The following GTF2E1 variants were observed in gnomAD, a reference collection of about 807,000 sequenced individuals.
The protein encoded by GTF2E1 is TFIIE alpha subunit.
A neutral mutation model predicts 34.9 loss-of-function variants in GTF2E1; 14 were observed. The ratio of observed to expected loss-of-function variants is 0.40; its 90% confidence interval spans 0.27 to 0.63. The LOEUF (loss-of-function observed/expected upper bound fraction) is 0.63. Ranked by LOEUF, GTF2E1 falls within the 20% of genes least tolerant of loss-of-function variation. The pLI is 0.39. For synonymous variants in GTF2E1, 188 were observed against 192.9 expected (o/e 0.97, Z 0.21); for missense variants, 469 against 557.7 (o/e 0.84, Z 1.60).
chr3:120,759,385 G>C (rs1183182608), intron 2 of GTF2E1, among the ~76,000 whole-genome samples: 1 of 152,102 alleles, frequency 6.6e-6, no homozygotes, highest in African/African-American at 2.4e-5. Flanking sequence ...CCATTCTGTA[G>C]GTTGCCTGTT....
At chr3:120,750,299 A>G (rs1487778524) in intron 1 of GTF2E1, among the ~76,000 whole-genome samples, 1 of 152,212 alleles carries the variant, frequency 6.6e-6, no homozygotes, top group Non-Finnish European at 1.5e-5. Context: ...CTTTTTAATC[A>G]AACACACTAT....
Position 120,782,593 on chromosome 3 carries a change from T to G in GTF2E1, c.*1123T>G, listed in dbSNP as rs1187217447. The G allele has an allele frequency of 6.6e-6, 1 of 152,258 alleles. No homozygotes were observed. The highest frequency in any genetic ancestry group is 1.5e-5 in the Non-Finnish European group (1 of 68,046). The allele number at this position is 152,258 out of a possible 1,614,324, so 9.4% of individuals were successfully genotyped here. A position where few individuals can be genotyped will look rare whatever the true frequency, so the allele number is the denominator to read the frequency against. ...GAAATCCTTTATGTAAAGCTGAGAC[T>G]GGTCCTGGTTTTGTTCCCTTTGGGT... On this transcript the variant is annotated 3_prime_UTR_variant, in exon 5 of 5. Transcript: ENST00000283875.
chr3:120,755,644 A>G (rs1709201679), intron 2 of GTF2E1, among the ~76,000 whole-genome samples: 1 of 152,044 alleles, frequency 6.6e-6, no homozygotes, highest in African/African-American at 2.4e-5. Flanking sequence ...CAATTATACT[A>G]TTTTAGTTAT....
chr3:120,754,788 A>AT (rs898598900), intron 2 of GTF2E1, among the ~76,000 whole-genome samples: 9 of 151,704 alleles, frequency 5.9e-5, no homozygotes, highest in Non-Finnish European at 1.3e-4. Flanking sequence ...AGATAATTTA[A>AT]TTTTTTTTTA....
chr3:120,781,076 AG>A lies in GTF2E1; in HGVS notation c.928del (p.Glu310LysfsTer37), dbSNP rs1223517986. On this transcript the variant is annotated frameshift_variant, in exon 5 of 5. Coordinates refer to ENST00000283875, the MANE Select transcript of GTF2E1 (RefSeq NM_005513.3). LOFTEE classifies it high-confidence loss of function. ...GATATGGACGCATTTCAGGAGCGTG[AG>A]GAAGGCCATGCTGGGCCTGATGACA... The part of the protein sequence containing the change: ...GIDMDAFQER[E>X]EGHAGPDDNE... The A allele has an allele frequency of 1.9e-6, 3 of 1,613,726 alleles. No homozygotes were observed. The African/African-American group carries it at 4.0e-5, about 22-fold the overall frequency.
At chr3:120,767,528 C>T (rs1441243817) in intron 2 of GTF2E1, among the ~76,000 whole-genome samples, 2 of 152,114 alleles carry the variant, frequency 1.3e-5, no homozygotes, top group African/African-American at 2.4e-5. Flanking sequence ...GTTACCTGGC[C>T]CTTCTATCGC....
rs1201041410 is a variant in GTF2E1, at chr3:120,781,717, T to TTC, written c.*248_*249insCT. The stretch of plus-strand genomic sequence containing the variant: ...AATATTTTACTGTATTTTCTTTTCT[T>TTC]TTTTTTTTTTTTTTGGAGATGAAGT... On this transcript the variant is annotated 3_prime_UTR_variant, in exon 5 of 5. Coordinates refer to ENST00000283875, the MANE Select transcript of GTF2E1 (RefSeq NM_005513.3). 5.7e-5 allele frequency: 12 copies of TTC among 208,974 alleles called. No homozygotes were observed. Among genetic ancestry groups the TTC allele is most frequent in the African/African-American group, 2.6e-4 (11 of 41,872 alleles). 12.9% of individuals were successfully genotyped at this position (208,974 alleles called of 1,614,324 possible).
intron 1 of GTF2E1, among the ~76,000 whole-genome samples, chr3:120,744,653 T>TC (rs1447478917): frequency 1.3e-5 from 2 of 152,190 alleles, no homozygotes; most frequent in Admixed American, 6.5e-5. Flanking sequence ...GATTTTTTTT[T>TC]CTGTAATAAC....
chr3:120,781,715 C>CTTTT lies in GTF2E1; in HGVS notation c.*258_*261dup. On this transcript the variant is annotated 3_prime_UTR_variant, in exon 5 of 5. Coordinates refer to ENST00000283875, the MANE Select transcript of GTF2E1 (RefSeq NM_005513.3). ...TTAATATTTTACTGTATTTTCTTTTCTTTTTTTTTTTTTTTTGGAGATGAA... is the reference window on the plus strand; with the variant it reads ...TTAATATTTTACTGTATTTTCTTTTCTTTTTTTTTTTTTTTTTTTTGGAGATGAA... 5.3e-5 allele frequency: 12 copies of CTTTT among 224,596 alleles called. No individual in the cohort carries two copies. The highest frequency in any genetic ancestry group is 2.1e-4 in the South Asian group (3 of 14,032). The allele number at this position is 224,596 out of a possible 1,614,324, so 13.9% of individuals were successfully genotyped here. A position where few individuals can be genotyped will look rare whatever the true frequency, so the allele number is the denominator to read the frequency against.
At chr3:120,747,418 C>A (rs895310218) in intron 1 of GTF2E1, among the ~76,000 whole-genome samples, 2 of 152,064 alleles carry the variant, frequency 1.3e-5, no homozygotes, top group African/African-American at 4.8e-5. Flanking sequence ...CCACAATAGG[C>A]CCCAGTGTGT....
intron 2 of GTF2E1, among the ~76,000 whole-genome samples, chr3:120,751,744 T>A (rs1254865246): frequency 6.6e-6 from 1 of 152,182 alleles, no homozygotes; most frequent in East Asian, 1.9e-4. Context: ...AAGAGACTAG[T>A]TTTGCTAAAT....
intron 2 of GTF2E1, among the ~76,000 whole-genome samples, chr3:120,756,370 C>T (rs963067749): frequency 6.6e-6 from 1 of 151,254 alleles, no homozygotes; most frequent in African/African-American, 2.4e-5. Context: ...GATTGTTTTG[C>T]TCAGTTGCTG....
chr3:120,780,176 T>A (rs1709434732), intron 4 of GTF2E1, among the ~76,000 whole-genome samples: 1 of 152,202 alleles, frequency 6.6e-6, no homozygotes, highest in Non-Finnish European at 1.5e-5. Flanking sequence ...AGGTACTATT[T>A]AGGTAAATGG....
intron 1 of GTF2E1, among the ~76,000 whole-genome samples, chr3:120,748,035 G>C (rs1709123511): frequency 6.6e-6 from 1 of 151,476 alleles, no homozygotes; most frequent in African/African-American, 2.4e-5. Flanking sequence ...TTTTTTGGCT[G>C]CATAAATGTC....
chr3:120,745,236 C>T (rs1438549038), intron 1 of GTF2E1, among the ~76,000 whole-genome samples: 3 of 152,164 alleles, frequency 2.0e-5, no homozygotes, highest in Non-Finnish European at 4.4e-5. Context: ...TATGAAGAAA[C>T]TGAGTCTGAG....
chr3:120,757,413 C>CT (rs1406749927), intron 2 of GTF2E1, among the ~76,000 whole-genome samples: 5 of 151,278 alleles, frequency 3.3e-5, no homozygotes, highest in South Asian at 4.2e-4. Context: ...ATTAAATCTG[C>CT]TTTTTTTTTC....
chr3:120,748,093 G>A (rs1709124112), intron 1 of GTF2E1, among the ~76,000 whole-genome samples: 1 of 151,934 alleles, frequency 6.6e-6, no homozygotes, highest in Non-Finnish European at 1.5e-5. Flanking sequence ...TTTTTGATGG[G>A]GTTGTTTGTT....
At chr3:120,777,119 A>T (rs1363108104) in intron 4 of GTF2E1, among the ~76,000 whole-genome samples, 2 of 152,204 alleles carry the variant, frequency 1.3e-5, no homozygotes, top group Admixed American at 6.5e-5. Flanking sequence ...AGACCACATG[A>T]ATAAAGGATT....
chr3:120,776,696 C>G (rs778158189), intron 4 of GTF2E1, 32 bp downstream of exon 4: 1 of 1,589,312 alleles, frequency 6.3e-7, no homozygotes. Flanking sequence ...ATGGATGTGT[C>G]TTAGGTTCTG....
Sources: gnomAD v4.1 joint callset for allele counts (sites outside exome capture counted in the v4.1 genomes callset) on GRCh38, gnomAD v4.1.1 for gene constraint, MANE v1.5 for transcripts, NCBI Gene and HGNC (gene_info 2026-07-23, HGNC 2026-07-21) for gene names.